The following THOC2 variants were observed in gnomAD, a reference collection of about 807,000 sequenced individuals.
THOC2 encodes THO complex 2.
Under a neutral mutation model 128.4 loss-of-function variants are expected in THOC2, and 10 were observed. The observed-to-expected ratio is 0.08, with a 90% CI of 0.05 to 0.13. THOC2 has a LOEUF of 0.13. Among genes scored for constraint, THOC2 ranks in the 10% least tolerant of loss-of-function variants. The probability of loss-of-function intolerance (pLI) is 1.00; values close to 1 mark genes in which losing one functional copy is unlikely to be tolerated. For synonymous variants in THOC2, 393 were observed against 396.9 expected (o/e 0.99, Z 0.12); for missense variants, 535 against 1,155.7 (o/e 0.46, Z 7.79).
intron 1 of THOC2, among the ~76,000 whole-genome samples, chrX:123,716,588 G>A (rs962106706): frequency 9.1e-5 from 10 of 110,150 alleles, no homozygotes; most frequent in African/African-American, 3.3e-4. Flanking sequence ...AATTAGCCAG[G>A]TGTGGTGGCA....
rs185533556 is a variant in THOC2 at position 123,711,009 on chromosome X, C to G, written c.130+1841G>C. 3.9e-3 allele frequency among the ~76,000 whole-genome samples: 393 copies of G among 100,050 alleles called. 2 individuals carry two copies. Among genetic ancestry groups the G allele is most frequent in the African/African-American group, 0.013 (372 of 27,628 alleles). The allele number at this position is 100,050 out of a possible 115,157, so 86.9% of individuals were successfully genotyped here. On this transcript the variant is annotated intron_variant, in intron 2 of 38. Transcript: ENST00000245838. Reference sequence around the variant, plus strand: ...CATCTCAAAAAAAAAAAACCATCTTCCACTCACACACCCAAATGTTCTTTT... The same window carrying G: ...CATCTCAAAAAAAAAAAACCATCTTGCACTCACACACCCAAATGTTCTTTT...
rs185245712 is a variant in THOC2 at position 123,614,669 on chromosome X, T to G, written c.4312-480A>C. Among the ~76,000 whole-genome samples the G allele has an allele frequency of 2.9e-3, 322 of 111,853 alleles. 1 individual carries two copies. The highest frequency in any genetic ancestry group is 4.6e-3 in the Middle Eastern group (1 of 218). On this transcript the variant is annotated intron_variant, in intron 33 of 38. Transcript: ENST00000245838. ...TATAAAAATAAAACCTAGCTATGAT[T>G]TTGCTAATAATTCTTTTCTGCCTCA...
At chrX:123,641,104 A>AAT (rs58872975) in intron 15 of THOC2, among the ~76,000 whole-genome samples, 2,818 of 111,862 alleles carry the variant, frequency 0.025, 80 homozygotes, top group African/African-American at 0.086. Context: ...CAATATGTAA[A>AAT]GTTATCTGCT....
chrX:123,619,456 A>G lies in THOC2; in HGVS notation c.4276-20T>C. 1 of 1,208,405 alleles carries G rather than the reference A, an allele frequency of 8.3e-7. No individual in the cohort carries two copies. ...ACTGTCCTGTAGAAAATGAATGGAG[A>G]TGACAGGTGAGCTGGCATAGTTCTC... On this transcript the variant is annotated intron_variant, in intron 32 of 38. Transcript: ENST00000245838.
At chrX:123,731,433 T>A (rs1251165024) in intron 1 of THOC2, among the ~76,000 whole-genome samples, 1 of 111,948 alleles carries the variant, frequency 8.9e-6, no homozygotes, top group East Asian at 2.8e-4. Flanking sequence ...ACCAATTAAT[T>A]GCTAACCTGA....
At chrX:123,629,115 A>G (rs1011919036) in intron 22 of THOC2, among the ~76,000 whole-genome samples, 3 of 107,862 alleles carry the variant, frequency 2.8e-5, no homozygotes, top group Non-Finnish European at 5.7e-5. Context: ...TATATTATAC[A>G]TATATATACA....
chrX:123,620,780 C>T, intron 32 of THOC2, 127 bp downstream of exon 32: 1 of 565,177 alleles, frequency 1.8e-6, no homozygotes, highest in Non-Finnish European at 2.7e-6. Context: ...AATTCATTTT[C>T]TAATGCAATA....
intron 23 of THOC2, among the ~76,000 whole-genome samples, chrX:123,626,951 C>A (rs1193008627): frequency 1.8e-5 from 2 of 111,668 alleles, no homozygotes; most frequent in African/African-American, 6.5e-5. Flanking sequence ...GGTTTACAAG[C>A]CTTGTACACT....
At chrX:123,636,007 C>T (rs1447804723) in intron 19 of THOC2, 72 bp downstream of exon 19, 13 of 797,543 alleles carry the variant, frequency 1.6e-5, no homozygotes, top group Non-Finnish European at 2.4e-5. Context: ...TTCGGGATAA[C>T]AGAGTCTCAA....
intron 15 of THOC2, among the ~76,000 whole-genome samples, chrX:123,641,841 T>C (rs1171990253): frequency 1.8e-5 from 2 of 112,257 alleles, no homozygotes; most frequent in Non-Finnish European, 3.8e-5. Context: ...ATGTTTTAAA[T>C]AGTATTCAAA....
chrX:123,655,557 A>T (rs1660722207), intron 12 of THOC2, among the ~76,000 whole-genome samples: 1 of 111,532 alleles, frequency 9.0e-6, no homozygotes, highest in Non-Finnish European at 1.9e-5. Flanking sequence ...AACAATTAAC[A>T]TTTTGCCCTT....
chrX:123,611,346 T>C, intron 37 of THOC2, 94 bp downstream of exon 37: 2 of 680,765 alleles, frequency 2.9e-6, no homozygotes, highest in Admixed American at 3.1e-5. Flanking sequence ...CCCTTAAGCA[T>C]ATAAACCACA....
intron 2 of THOC2, among the ~76,000 whole-genome samples, chrX:123,707,789 A>C (rs2050995068): frequency 1.8e-5 from 2 of 110,818 alleles, no homozygotes; most frequent in South Asian, 7.5e-4. Context: ...AGTGGAATCA[A>C]AATTTTTTCA....
intron 15 of THOC2, among the ~76,000 whole-genome samples, chrX:123,641,282 A>T (rs184756922): frequency 1.6e-4 from 18 of 112,185 alleles, no homozygotes; most frequent in African/African-American, 5.8e-4. Context: ...CTCTCCTGAG[A>T]TGATTACATA....
intron 12 of THOC2, among the ~76,000 whole-genome samples, chrX:123,665,284 T>C (rs2049004471): frequency 8.9e-6 from 1 of 111,930 alleles, no homozygotes; most frequent in Non-Finnish European, 1.9e-5. Context: ...TTTAACAGTG[T>C]ATTACAACTC....
chrX:123,695,285 CTCTT>C (rs1056588958), intron 7 of THOC2, among the ~76,000 whole-genome samples: 2 of 111,852 alleles, frequency 1.8e-5, no homozygotes, highest in African/African-American at 3.2e-5. Flanking sequence ...AATAAAAAAA[CTCTT>C]TCCACCTCAG....
chrX:123,640,486 A>G (rs1445922985), intron 16 of THOC2, 52 bp downstream of exon 16: 3 of 923,007 alleles, frequency 3.3e-6, no homozygotes, highest in Middle Eastern at 2.7e-4. Flanking sequence ...GCACTGATTT[A>G]AAGGCAACAG....
intron 24 of THOC2, 88 bp from the exon 25 acceptor site, chrX:123,626,157 T>C (rs2047262410): frequency 1.3e-5 from 8 of 628,952 alleles, no homozygotes; most frequent in Non-Finnish European, 1.9e-5. Flanking sequence ...TTACCTTTAG[T>C]GAAGAGAATA....
chrX:123,638,941 G>T lies in THOC2; in HGVS notation c.1833C>A (p.Val611=). 8.8e-7 allele frequency: 1 copy of T among 1,133,193 alleles called. No homozygotes were observed. The highest frequency in any genetic ancestry group is 1.2e-6 in the Non-Finnish European group (1 of 832,346). 93.4% of individuals were successfully genotyped at this position (1,133,193 alleles called of 1,213,427 possible). The stretch of plus-strand genomic sequence containing the variant: ...CTTCACTTGAAAGGATACAGGCCAA[G>T]ACATCATAATTCAGTGAAGTGAGGT... ...LKYLTSLNYD[V]LAYCIIEALA... The change falls in exon 17 of 39, where the codon GTC becomes GTA. Residue 611 remains valine, a synonymous_variant. Transcript: ENST00000245838.
Sources: gnomAD v4.1 joint callset for allele counts (sites outside exome capture counted in the v4.1 genomes callset) on GRCh38, gnomAD v4.1.1 for gene constraint, MANE v1.5 for transcripts, NCBI Gene and HGNC (gene_info 2026-07-23, HGNC 2026-07-21) for gene names.